The following RBPJ variants were observed in gnomAD, a reference collection of about 807,000 sequenced individuals.
RBPJ encodes the protein recombination signal binding protein for immunoglobulin kappa J region.
Under a neutral mutation model 67.8 loss-of-function variants are expected in RBPJ, and 9 were observed. The ratio of observed to expected loss-of-function variants is 0.13; its 90% CI spans 0.08 to 0.23. The LOEUF is 0.23. RBPJ is among the 10% of genes least tolerant of loss of function. The pLI, the probability that RBPJ is intolerant of heterozygous loss-of-function variation, is 1.00. For missense variants in RBPJ, 305 were observed against 595.6 expected (o/e 0.51, Z 5.08); for synonymous variants, 198 against 203.3 (o/e 0.97, Z 0.22).
rs566623592 is a variant in RBPJ, at chr4:26,232,417, T to C, written c.-167+68803T>C. On this transcript the variant is annotated intron_variant, in intron 1 of 4. Transcript: ENST00000512351. ...CCCTCCTCCCAGCCCTTAATTACTT[T>C]TTGTAGAGACAGGCTGGTCTCAAAT... 5.3e-5 allele frequency among the ~76,000 whole-genome samples: 8 copies of C among 152,142 alleles called. No homozygotes were observed. The South Asian group carries it at 1.7e-3, about 32-fold the overall frequency.
In RBPJ at chr4:26,420,556, T is replaced by C. The variant is rs1560341937; in HGVS notation, c.327T>C (p.Tyr109=). The change falls in exon 5 of 11, where the codon TAT becomes TAC. Residue 109 remains tyrosine, a synonymous_variant. Coordinates refer to ENST00000355476, the MANE Select transcript of RBPJ (RefSeq NM_015874.6). ...ACTTTACTTTTCTTTCACAGAACTATTGCACAGCCAAAACATTGTATATAT... is the reference window on the plus strand; with the variant it reads ...ACTTTACTTTTCTTTCACAGAACTACTGCACAGCCAAAACATTGTATATAT... ...MQQLNLEGKN[Y]CTAKTLYISD... is the part of the protein sequence containing the mutation. The C allele has an allele frequency of 6.3e-7, 1 of 1,599,522 alleles. No individual in the cohort carries two copies. Among genetic ancestry groups the C allele is most frequent in the Non-Finnish European group, 8.5e-7 (1 of 1,174,242 alleles).
chr4:26,140,859 A>AAAT, the RBPJ span, among the ~76,000 whole-genome samples: 1 of 151,438 alleles, frequency 6.6e-6, no homozygotes, highest in African/African-American at 2.4e-5. Context: ...ATAAATAAAT[A>AAAT]AATAAATAAA....
chr4:26,162,294 G>A (rs1160504738), upstream of RBPJ, among the ~76,000 whole-genome samples: 1 of 152,166 alleles, frequency 6.6e-6, no homozygotes, highest in Non-Finnish European at 1.5e-5. Flanking sequence ...CCCTGGATGT[G>A]GGACTTTCCA....
At chr4:26,224,781 C>T (rs1719029333) in intron 1 of RBPJ, among the ~76,000 whole-genome samples, 1 of 152,220 alleles carries the variant, frequency 6.6e-6, no homozygotes, top group Non-Finnish European at 1.5e-5. Context: ...GCAGCGAAAA[C>T]AACGCTCAGT....
intron 1 of RBPJ, among the ~76,000 whole-genome samples, chr4:26,348,025 C>T (rs1213732111): frequency 6.6e-6 from 1 of 150,724 alleles, no homozygotes; most frequent in Non-Finnish European, 1.5e-5. Flanking sequence ...ACAATGGCAC[C>T]ATCTCAGCTC....
chr4:26,139,775 T>G, the RBPJ span, among the ~76,000 whole-genome samples: 1 of 152,232 alleles, frequency 6.6e-6, no homozygotes, highest in Admixed American at 6.5e-5. Context: ...CGTCTTTGCC[T>G]GTGCTCAGTG....
intron 1 of RBPJ, among the ~76,000 whole-genome samples, chr4:26,327,490 C>T (rs1239590290): frequency 6.8e-6 from 1 of 148,110 alleles, no homozygotes; most frequent in Non-Finnish European, 1.5e-5. Flanking sequence ...ATGAAAACTG[C>T]ATCTATTTGA....
chr4:26,283,667 G>C (rs1721359294), intron 1 of RBPJ, among the ~76,000 whole-genome samples: 2 of 133,694 alleles, frequency 1.5e-5, no homozygotes, highest in South Asian at 4.5e-4. Context: ...TTTTTTTTGA[G>C]ACGGTGTCTT....
At chr4:26,112,399 T>A in the RBPJ span, 3 of 155,874 alleles carry the variant, frequency 1.9e-5, no homozygotes, top group African/African-American at 7.2e-5. Flanking sequence ...GGTATTAGGC[T>A]TGAGAAAATT....
chr4:26,150,970 A>G, the RBPJ span, among the ~76,000 whole-genome samples: 45 of 152,336 alleles, frequency 3.0e-4, no homozygotes, highest in Non-Finnish European at 4.7e-4. Flanking sequence ...ATATACTGAC[A>G]ATGGAAAACA....
At chr4:26,364,823 C>T (rs1028012587) in intron 1 of RBPJ, among the ~76,000 whole-genome samples, 3 of 151,500 alleles carry the variant, frequency 2.0e-5, no homozygotes, top group Admixed American at 6.6e-5. Flanking sequence ...GACGGGGTTT[C>T]GCTATGTTGG....
At chr4:26,406,351 G>T in intron 3 of RBPJ, 81 bp downstream of exon 3, 1 of 871,490 alleles carries the variant, frequency 1.1e-6, no homozygotes, top group Non-Finnish European at 1.9e-6. Flanking sequence ...CATGTCAGAG[G>T]ATGGCTTCTA....
At chr4:26,321,923 C>G (rs1282854817) in intron 1 of RBPJ, 1 of 152,250 alleles carries the variant, frequency 6.6e-6, no homozygotes, top group Non-Finnish European at 1.5e-5. Context: ...GTTTTCTCCT[C>G]CGCACCTCTT....
chr4:26,327,022 C>T (rs933031682), intron 1 of RBPJ, among the ~76,000 whole-genome samples: 1 of 152,120 alleles, frequency 6.6e-6, no homozygotes, highest in African/African-American at 2.4e-5. Context: ...TCTTACTGCT[C>T]TCTTCTCTGC....
upstream of RBPJ, among the ~76,000 whole-genome samples, chr4:26,160,325 G>A (rs1187770397): frequency 6.6e-6 from 1 of 152,198 alleles, no homozygotes; most frequent in East Asian, 1.9e-4. Flanking sequence ...GGGAATCTAG[G>A]AGATGCAGTC....
chr4:26,318,031 T>C (rs1225720320), upstream of RBPJ, among the ~76,000 whole-genome samples: 2 of 152,198 alleles, frequency 1.3e-5, no homozygotes, highest in Non-Finnish European at 2.9e-5. Context: ...TGAGCTATCC[T>C]GTTCCAAGCC....
the RBPJ span, among the ~76,000 whole-genome samples, chr4:26,127,206 C>T: frequency 6.6e-6 from 1 of 152,214 alleles, no homozygotes; most frequent in African/African-American, 2.4e-5. Context: ...ATCTATCATT[C>T]CTGAAGAGGA....
At chr4:26,244,157 GTATA>G (rs369158366) in intron 1 of RBPJ, among the ~76,000 whole-genome samples, 5 of 147,030 alleles carry the variant, frequency 3.4e-5, no homozygotes, top group Admixed American at 6.7e-5. Context: ...ACACATATAT[GTATA>G]TATATATGTA....
At chr4:26,210,475 G>A (rs370181883) in intron 1 of RBPJ, among the ~76,000 whole-genome samples, 3 of 152,064 alleles carry the variant, frequency 2.0e-5, no homozygotes, top group South Asian at 2.1e-4. Flanking sequence ...CATTCCCATC[G>A]CATCAAAAAT....
Sources: allele counts gnomAD v4.1 joint callset (sites outside exome capture counted in the v4.1 genomes callset), GRCh38; gene constraint gnomAD v4.1.1; transcripts MANE v1.5; gene names NCBI Gene and HGNC (gene_info 2026-07-23, HGNC 2026-07-21).